The following CMSS1 variants were observed in gnomAD, a reference collection of about 807,000 sequenced individuals.
CMSS1 encodes protein CMSS1.
CMSS1 carries 33 observed loss-of-function variants against 43.5 expected under a neutral mutation model. That is an observed-to-expected ratio of 0.76 (90% CI 0.57 to 1.01). The LOEUF is 1.01. Ranked by LOEUF, CMSS1 falls within the 50% of genes least tolerant of loss-of-function variation. The pLI, the probability that CMSS1 is intolerant of heterozygous loss-of-function variation, is 0.00. For synonymous variants in CMSS1, 115 were observed against 117.2 expected, an observed-to-expected ratio of 0.98 and a Z score of 0.12; for missense variants, 313 against 326.4, an observed-to-expected ratio of 0.96 and a Z score of 0.32.
chr3:99,833,261 C>T, intron 1 of CMSS1: 2 of 1,610,886 alleles, frequency 1.2e-6, no homozygotes, highest in South Asian at 1.1e-5. Context: ...AGTGGTTCCA[C>T]CTAGGGAGCA....
intron 1 of CMSS1, among the ~76,000 whole-genome samples, chr3:99,885,299 G>A (rs1445885786): frequency 2.0e-5 from 3 of 152,206 alleles, no homozygotes; most frequent in Admixed American, 6.5e-5. Context: ...GGGACCTGGT[G>A]TTGACTCTCA....
At chr3:100,014,803 A>G (rs181427512) in intron 1 of CMSS1, among the ~76,000 whole-genome samples, 7 of 74,602 alleles carry the variant, frequency 9.4e-5, no homozygotes, top group Admixed American at 4.1e-4. Context: ...TCTTCATTCT[A>G]TTGATTTTTT....
intron 1 of CMSS1, among the ~76,000 whole-genome samples, chr3:99,999,286 C>T (rs2107158682): frequency 6.6e-6 from 1 of 152,286 alleles, no homozygotes; most frequent in Non-Finnish European, 1.5e-5. Flanking sequence ...TCTCATAGCA[C>T]ATATCACATT....
intron 6 of CMSS1, among the ~76,000 whole-genome samples, chr3:100,168,738 T>C (rs957151825): frequency 2.6e-5 from 4 of 151,646 alleles, no homozygotes; most frequent in Admixed American, 6.6e-5. Context: ...TAGAATTGTG[T>C]TGTTTTTTTT....
chr3:100,019,640 C>T (rs2064770959), intron 1 of CMSS1, among the ~76,000 whole-genome samples: 1 of 152,114 alleles, frequency 6.6e-6, no homozygotes, highest in Non-Finnish European at 1.5e-5. Flanking sequence ...TTGACTATTG[C>T]TGTTGACTGT....
intron 1 of CMSS1, among the ~76,000 whole-genome samples, chr3:99,883,403 T>C (rs558832018): frequency 6.6e-6 from 1 of 152,350 alleles, no homozygotes; most frequent in African/African-American, 2.4e-5. Flanking sequence ...ATCATTTTAG[T>C]CTTTTCACAC....
intron 1 of CMSS1, among the ~76,000 whole-genome samples, chr3:99,935,228 T>A (rs929127262): frequency 2.0e-5 from 3 of 151,128 alleles, no homozygotes; most frequent in African/African-American, 7.3e-5. Context: ...AAGAAAAATT[T>A]TGTAATAGCA....
intron 1 of CMSS1, among the ~76,000 whole-genome samples, chr3:99,853,834 C>T (rs761939945): frequency 9.2e-5 from 14 of 152,116 alleles, no homozygotes; most frequent in East Asian, 1.9e-4. Context: ...TAAAGCCTGT[C>T]GGGAAGGTAA....
chr3:100,117,878 T>TATATACACACATATATATATATATATAC (rs1357671856), intron 1 of CMSS1, among the ~76,000 whole-genome samples: 1 of 129,084 alleles, frequency 7.7e-6, no homozygotes, highest in Non-Finnish European at 1.6e-5. Flanking sequence ...TATATATATA[T>TATATACACACATATATATATATATATAC]ACACATACAA....
intron 1 of CMSS1, among the ~76,000 whole-genome samples, chr3:99,822,903 G>T (rs793476): frequency 0.56 from 84,884 of 151,938 alleles, 24,205 homozygotes; most frequent in East Asian, 0.72. Flanking sequence ...TGATGAGGAA[G>T]TTGAGACACT....
chr3:99,940,209 G>T (rs1707812188), intron 1 of CMSS1, among the ~76,000 whole-genome samples: 1 of 152,136 alleles, frequency 6.6e-6, no homozygotes, highest in Non-Finnish European at 1.5e-5. Context: ...ATGTTTTCCA[G>T]ATCTTTGTGG....
chr3:100,046,490 C>G (rs2065281277), intron 1 of CMSS1, among the ~76,000 whole-genome samples: 1 of 151,018 alleles, frequency 6.6e-6, no homozygotes, highest in Non-Finnish European at 1.5e-5. Flanking sequence ...ATCTCTAGAG[C>G]TTGTTGTATA....
intron 1 of CMSS1, chr3:100,141,687 G>A (rs535327536): frequency 7.5e-6 from 3 of 398,492 alleles, no homozygotes; most frequent in Middle Eastern, 3.6e-4. Context: ...ATTTGCTGTT[G>A]TTGCCAGGGG....
chr3:99,879,609 G>A (rs1177297001), intron 1 of CMSS1, among the ~76,000 whole-genome samples: 1 of 152,164 alleles, frequency 6.6e-6, no homozygotes, highest in East Asian at 1.9e-4. Context: ...GTAATTAATA[G>A]GATGTTTCTT....
At chr3:100,002,213 C>A (rs1261852630) in intron 1 of CMSS1, among the ~76,000 whole-genome samples, 1 of 152,190 alleles carries the variant, frequency 6.6e-6, no homozygotes, top group African/African-American at 2.4e-5. Flanking sequence ...GGGTAAATCA[C>A]GCACAGACTG....
intron 1 of CMSS1, among the ~76,000 whole-genome samples, chr3:100,011,984 G>A (rs1225387552): frequency 2.6e-5 from 4 of 152,162 alleles, no homozygotes; most frequent in East Asian, 3.9e-4. Flanking sequence ...CTGATATTTC[G>A]ATTATGATAA....
intron 1 of CMSS1, among the ~76,000 whole-genome samples, chr3:99,867,664 G>A (rs1368117894): frequency 6.6e-6 from 1 of 152,088 alleles, no homozygotes; most frequent in Admixed American, 6.6e-5. Context: ...GGTCTACAAA[G>A]CCTTTGGCAA....
chr3:99,924,107 C>T, intron 1 of CMSS1: 1 of 821,980 alleles, frequency 1.2e-6, no homozygotes, highest in South Asian at 1.7e-5. Flanking sequence ...TTTCCTCACC[C>T]TGGACTATGA....
At position 99,971,179 on chromosome 3, in the gene CMSS1, T is replaced by C. The variant is rs947912534; in HGVS notation, c.64+153136T>C. On this transcript the variant is annotated intron_variant, in intron 1 of 9. Transcript: ENST00000421999. ...GGTGAAACCCCGTCTCTACTAAAAA[T>C]ACAAAAAATAATTAGCCGGGCCTGG... 2.6e-5 allele frequency among the ~76,000 whole-genome samples: 4 copies of C among 151,850 alleles called. No homozygotes were observed. The East Asian group carries it at 5.8e-4, about 22-fold the overall frequency.
Sources: allele counts gnomAD v4.1 joint callset (sites outside exome capture counted in the v4.1 genomes callset), GRCh38; gene constraint gnomAD v4.1.1; transcripts MANE v1.5; gene names NCBI Gene and HGNC (gene_info 2026-07-23, HGNC 2026-07-21).